The following FSHR variants were observed in gnomAD, a reference collection of about 807,000 sequenced individuals.
FSHR encodes follicle-stimulating hormone receptor.
Under a neutral mutation model 52.1 loss-of-function variants are expected in FSHR, and 46 were observed. The observed-to-expected ratio is 0.88, with a 90% CI of 0.70 to 1.13. The LOEUF is 1.13. Among genes scored for constraint, FSHR ranks in the 50% most tolerant of loss-of-function variants. The pLI is 0.00. For synonymous variants in FSHR, 399 were observed against 309.6 expected, an observed-to-expected ratio of 1.29 and a Z score of -3.03; for missense variants, 964 against 834.6, an observed-to-expected ratio of 1.16 and a Z score of -1.91.
At chr2:49,015,668 A>C (rs901960058) in intron 4 of FSHR, among the ~76,000 whole-genome samples, 1 of 152,126 alleles carries the variant, frequency 6.6e-6, no homozygotes, top group Admixed American at 6.6e-5. Context: ...CTCTGCAGAG[A>C]GCATAGCAAA....
intron 1 of FSHR, among the ~76,000 whole-genome samples, chr2:49,106,142 C>T (rs988939517): frequency 1.3e-5 from 2 of 152,160 alleles, no homozygotes; most frequent in African/African-American, 4.8e-5. Flanking sequence ...TCTCTACCTG[C>T]CTATCTCTCC....
intron 1 of FSHR, among the ~76,000 whole-genome samples, chr2:49,134,131 A>G (rs1346899101): frequency 6.6e-6 from 1 of 152,238 alleles, no homozygotes; most frequent in Non-Finnish European, 1.5e-5. Context: ...GTGAACAGGC[A>G]ACCTACAGAA....
chr2:49,137,902 A>G (rs1672543182), intron 1 of FSHR, among the ~76,000 whole-genome samples: 1 of 152,168 alleles, frequency 6.6e-6, no homozygotes, highest in Non-Finnish European at 1.5e-5. Flanking sequence ...GCAAAGGATT[A>G]TTGGATATGA....
intron 4 of FSHR, among the ~76,000 whole-genome samples, chr2:48,992,030 T>G (rs1442798876): frequency 6.6e-6 from 1 of 152,070 alleles, no homozygotes; most frequent in Non-Finnish European, 1.5e-5. Flanking sequence ...TTTTTTTCTT[T>G]TTTTCCTCTC....
chr2:49,091,559 A>T (rs759072321), intron 1 of FSHR, among the ~76,000 whole-genome samples: 3 of 151,728 alleles, frequency 2.0e-5, no homozygotes, highest in Non-Finnish European at 2.9e-5. Context: ...GGCCTCCCAA[A>T]GTGCTGGGAT....
chr2:49,080,162 C>A (rs1302221715), intron 1 of FSHR, among the ~76,000 whole-genome samples: 5 of 152,212 alleles, frequency 3.3e-5, no homozygotes, highest in African/African-American at 9.6e-5. Context: ...CTTTATTCAC[C>A]ATTATATTGG....
intron 1 of FSHR, among the ~76,000 whole-genome samples, chr2:49,095,697 T>C (rs902195566): frequency 6.6e-6 from 1 of 152,054 alleles, no homozygotes; most frequent in Non-Finnish European, 1.5e-5. Flanking sequence ...ACCCACAAAA[T>C]AAAATATTTG....
chr2:49,149,612 A>G (rs1055195461), intron 1 of FSHR, among the ~76,000 whole-genome samples: 1 of 152,040 alleles, frequency 6.6e-6, no homozygotes, highest in African/African-American at 2.4e-5. Context: ...ACGCCTTGGT[A>G]TAGCAAAGGC....
At chr2:48,992,164 G>A (rs1037222631) in intron 4 of FSHR, among the ~76,000 whole-genome samples, 1 of 152,078 alleles carries the variant, frequency 6.6e-6, no homozygotes, top group Non-Finnish European at 1.5e-5. Context: ...TGAAGGATTT[G>A]TTGTGTTGTT....
At chr2:49,152,370 G>C (rs1673093882) in intron 1 of FSHR, among the ~76,000 whole-genome samples, 1 of 152,066 alleles carries the variant, frequency 6.6e-6, no homozygotes, top group Admixed American at 6.6e-5. Context: ...GGCCAGAGAT[G>C]TGTTTTAGTC....
chr2:49,054,718 C>A (rs1208538156), intron 2 of FSHR, among the ~76,000 whole-genome samples: 1 of 152,176 alleles, frequency 6.6e-6, no homozygotes, highest in Non-Finnish European at 1.5e-5. Flanking sequence ...AAAGCCACAG[C>A]ACAACAACTG....
At chr2:49,020,512 T>TC (rs1338642691) in intron 2 of FSHR, among the ~76,000 whole-genome samples, 2 of 152,036 alleles carry the variant, frequency 1.3e-5, no homozygotes, top group Non-Finnish European at 2.9e-5. Context: ...TAAACATTTT[T>TC]TTTTTTTTTT....
At chr2:49,120,137 G>A (rs1377759469) in intron 1 of FSHR, among the ~76,000 whole-genome samples, 2 of 152,174 alleles carry the variant, frequency 1.3e-5, no homozygotes, top group Middle Eastern at 3.2e-3. Context: ...TGGGCATGGT[G>A]GTGCCTGCCT....
chr2:49,061,891 G>A (rs1572695031), intron 2 of FSHR, among the ~76,000 whole-genome samples: 1 of 146,174 alleles, frequency 6.8e-6, no homozygotes. Flanking sequence ...CTCCAAACCT[G>A]GAGCACTCAG....
At chr2:49,125,572 A>G (rs1671966308) in intron 1 of FSHR, among the ~76,000 whole-genome samples, 1 of 152,236 alleles carries the variant, frequency 6.6e-6, no homozygotes, top group Non-Finnish European at 1.5e-5. Flanking sequence ...TCCAGCATAT[A>G]GAGCACTGTC....
chr2:49,023,583 A>G (rs775094731), intron 2 of FSHR, among the ~76,000 whole-genome samples: 1 of 152,140 alleles, frequency 6.6e-6, no homozygotes, highest in Non-Finnish European at 1.5e-5. Context: ...ACACAAAAAT[A>G]TTTGGTCTGC....
Position 48,963,199 on chromosome 2 carries a change from G to T in FSHR, c.1622C>A (p.Ala541Asp). Residue 541 changes from alanine to aspartate, a missense_variant, in exon 10 of 10, where the codon GCC becomes GAC. Transcript: ENST00000406846. Reference protein sequence around the residue: ...VMSLLVLNVLAFVVICGCYIH... With the variant: ...VMSLLVLNVLDFVVICGCYIH... ...ATAGCAGCCACAGATGACCACAAAG[G>T]CCAGGACATTGAGCACAAGGAGGGA... is the stretch of plus-strand genomic sequence containing the variant. 3 of 1,614,150 alleles carry T rather than the reference G, an allele frequency of 1.9e-6. No homozygotes were observed. Among genetic ancestry groups the T allele is most frequent in the East Asian group, 2.2e-5 (1 of 44,874 alleles).
intron 1 of FSHR, among the ~76,000 whole-genome samples, chr2:49,131,696 A>G (rs1359694448): frequency 6.6e-6 from 1 of 152,186 alleles, no homozygotes; most frequent in Admixed American, 6.5e-5. Context: ...CAAGCACTGT[A>G]CTTGGCACAT....
intron 1 of FSHR, among the ~76,000 whole-genome samples, chr2:49,120,116 A>T (rs995529488): frequency 3.3e-5 from 5 of 152,246 alleles, no homozygotes; most frequent in Admixed American, 6.5e-5. Context: ...CTAAAAATAC[A>T]AAAAATTATC....
Sources: gnomAD v4.1 joint callset for allele counts (sites outside exome capture counted in the v4.1 genomes callset) on GRCh38, gnomAD v4.1.1 for gene constraint, MANE v1.5 for transcripts, NCBI Gene and HGNC (gene_info 2026-07-23, HGNC 2026-07-21) for gene names.